Variants in STX11 observed in about 807,000 individuals in gnomAD.
STX11 encodes the protein syntaxin 11, also known as syntaxin-11.
STX11 carries 21 observed loss-of-function variants against 19.9 expected under a neutral mutation model. The observed-to-expected ratio is 1.06, with a 90% CI of 0.75 to 1.52. The LOEUF (loss-of-function observed/expected upper bound fraction) is 1.52, where lower values mean the gene tolerates loss of function less well. Among genes scored for constraint, STX11 ranks in the 40% most tolerant of loss-of-function variants. The pLI, the probability that STX11 is intolerant of heterozygous loss-of-function variation, is 0.00. For synonymous variants in STX11, 193 were observed against 174.4 expected, an observed-to-expected ratio of 1.11 and a Z score of -0.84; for missense variants, 438 against 405.9, an observed-to-expected ratio of 1.08 and a Z score of -0.68.
upstream of STX11, among the ~76,000 whole-genome samples, chr6:144,147,317 T>G (rs1332770785): frequency 6.6e-6 from 1 of 152,222 alleles, no homozygotes; most frequent in African/African-American, 2.4e-5. This position sits in a 1 kb window ranked among gnomAD's most constrained non-coding sequence, Gnocchi z 4.2. Context: ...CTGACCTCCA[T>G]GTGGCCAAGC....
intron 1 of STX11, among the ~76,000 whole-genome samples, chr6:144,185,352 G>C (rs948779873): frequency 6.6e-6 from 1 of 152,132 alleles, no homozygotes; most frequent in Non-Finnish European, 1.5e-5. Flanking sequence ...ACCATTAAGT[G>C]TTACTACTTT....
chr6:144,183,734 A>G lies in STX11; in HGVS notation c.-5-2889A>G, dbSNP rs1289980426. Among the ~76,000 whole-genome samples, 2 of 152,184 alleles carry G rather than the reference A, an allele frequency of 1.3e-5. No homozygotes were observed. The highest frequency in any genetic ancestry group is 2.9e-5 in the Non-Finnish European group (2 of 68,034). On this transcript the variant is annotated intron_variant, in intron 1 of 1. Coordinates refer to ENST00000367568, the MANE Select transcript of STX11 (RefSeq NM_003764.4). The surrounding 1 kb of genome is among the most constrained non-coding windows in gnomAD (Gnocchi z 4.6). ...TGATTTTATTATTTTATCTTATTTT[A>G]TGTTTTTAAGTTCCGGGGTACACGT... is the stretch of plus-strand genomic sequence containing the variant.
At position 144,150,721 on chromosome 6, in the gene STX11, T is replaced by A; in HGVS notation, c.-6+18T>A. The A allele has an allele frequency of 1.0e-6, 1 of 974,242 alleles. No homozygotes were observed. The highest frequency in any genetic ancestry group is 1.2e-6 in the Non-Finnish European group (1 of 827,744). 60.3% of individuals were successfully genotyped at this position (974,242 alleles called of 1,614,324 possible). On this transcript the variant is annotated intron_variant, in intron 1 of 1. Coordinates refer to ENST00000367568, the MANE Select transcript of STX11 (RefSeq NM_003764.4). ...CAGTCCAGGTTTGTTTTTCTCTTCC[T>A]GAGCCCCCATTTCTCTTCCTGACTA...
In STX11 at chr6:144,177,866, A is replaced by G. The variant is rs1801814031; in HGVS notation, c.-5-8757A>G. On this transcript the variant is annotated intron_variant, in intron 1 of 1. Coordinates refer to ENST00000367568, the MANE Select transcript of STX11 (RefSeq NM_003764.4). The surrounding 1 kb of genome is among the most constrained non-coding windows in gnomAD (Gnocchi z 4.4). ...ATTCTGTTATTTCAGAGAGTTAATA[A>G]TTTTATGGATTTTTTTTAAAGTTGT... Among the ~76,000 whole-genome samples, 1 of 152,144 alleles carries G rather than the reference A, an allele frequency of 6.6e-6. No homozygotes were observed.
At position 144,165,811 on chromosome 6, in the gene STX11, A is replaced by G. The variant is rs1584030594; in HGVS notation, c.-6+15108A>G. 6.6e-6 allele frequency among the ~76,000 whole-genome samples: 1 copy of G among 152,244 alleles called. No homozygotes were observed. Among genetic ancestry groups the G allele is most frequent in the Non-Finnish European group, 1.5e-5 (1 of 68,042 alleles). On this transcript the variant is annotated intron_variant, in intron 1 of 1. Coordinates refer to ENST00000367568, the MANE Select transcript of STX11 (RefSeq NM_003764.4). This position sits in a 1 kb window ranked among gnomAD's most constrained non-coding sequence, Gnocchi z 5.8. ...GTTTGTAAAATACTTTAAAGTTAAC[A>G]AAGTGCTCTCATGTACATAACTTAC...
In STX11 at chr6:144,170,550, C is replaced by G. The variant is rs150874019; in HGVS notation, c.-5-16073C>G. On this transcript the variant is annotated intron_variant, in intron 1 of 1. Transcript: ENST00000367568. This position sits in a 1 kb window ranked among gnomAD's most constrained non-coding sequence, Gnocchi z 4.7. The stretch of plus-strand genomic sequence containing the variant: ...GCTCAAAAAGTTTTAGATTTTGGAG[C>G]ATTTCAGATTTCAGATTTTCAGATT... Among the ~76,000 whole-genome samples the G allele has an allele frequency of 2.0e-4, 31 of 152,138 alleles. No homozygotes were observed. In the East Asian group the frequency reaches 5.6e-3, roughly 27 times the overall value.
At chr6:144,143,159 A>T in the STX11 span, among the ~76,000 whole-genome samples, 1 of 152,206 alleles carries the variant, frequency 6.6e-6, no homozygotes, top group Admixed American at 6.5e-5. Context: ...ATATATTTCT[A>T]GTCTGCGTGT....
At chr6:144,147,894 A>C (rs147400114), upstream of STX11, among the ~76,000 whole-genome samples, 631 of 152,268 alleles carry the variant, frequency 4.1e-3, 7 homozygotes, top group Middle Eastern at 0.034. This position sits in a 1 kb window ranked among gnomAD's most constrained non-coding sequence, Gnocchi z 4.2. Flanking sequence ...CAACAGAGTG[A>C]GCTGCTGTCT....
rs1396989989 is a variant in STX11 at position 144,172,723 on chromosome 6, C to A, written c.-5-13900C>A. Reference sequence around the variant, plus strand: ...TAGCCTCGAAGTCTAGAGACTTATGCCTGATCTGCATGAGATCTAGATACA... The same window carrying A: ...TAGCCTCGAAGTCTAGAGACTTATGACTGATCTGCATGAGATCTAGATACA... On this transcript the variant is annotated intron_variant, in intron 1 of 1. Coordinates refer to ENST00000367568, the MANE Select transcript of STX11 (RefSeq NM_003764.4). The surrounding 1 kb of genome is among the most constrained non-coding windows in gnomAD (Gnocchi z 4.2). Among the ~76,000 whole-genome samples, 1 of 152,134 alleles carries A rather than the reference C, an allele frequency of 6.6e-6. No homozygotes were observed. The highest frequency in any genetic ancestry group is 1.5e-5 in the Non-Finnish European group (1 of 68,014).
chr6:144,184,933 A>G lies in STX11; in HGVS notation c.-5-1690A>G, dbSNP rs957784185. On this transcript the variant is annotated intron_variant, in intron 1 of 1. Transcript: ENST00000367568. The surrounding 1 kb of genome is among the most constrained non-coding windows in gnomAD (Gnocchi z 6.5). ...TCCCCAGTTGGTGGTTTGTCTTTCA[A>G]TTTTGTTCAAAGTGAGGAAACAGTT... Among the ~76,000 whole-genome samples the G allele has an allele frequency of 5.9e-5, 9 of 151,984 alleles. No homozygotes were observed. The highest frequency in any genetic ancestry group is 3.8e-4 in the East Asian group (2 of 5,200).
At chr6:144,181,724 C>T (rs781002445) in intron 1 of STX11, among the ~76,000 whole-genome samples, 6 of 152,006 alleles carry the variant, frequency 3.9e-5, no homozygotes, top group Admixed American at 2.0e-4. Flanking sequence ...GGTGCCCAGG[C>T]ATCTGTAATC....
intron 1 of STX11, among the ~76,000 whole-genome samples, chr6:144,168,059 C>G (rs1176020314): frequency 6.6e-6 from 1 of 152,232 alleles, no homozygotes; most frequent in African/African-American, 2.4e-5. Flanking sequence ...CCACTGTTAA[C>G]AGCAACAACA....
At chr6:144,150,759 G>GCA in intron 1 of STX11, 56 bp downstream of exon 1, 4 of 946,622 alleles carry the variant, frequency 4.2e-6, no homozygotes, top group Non-Finnish European at 5.0e-6. Context: ...TTCCCCGTGC[G>GCA]CGGAGAGATC....
At chr6:144,150,082 C>G (rs1365015317), upstream of STX11, among the ~76,000 whole-genome samples, 2 of 149,816 alleles carry the variant, frequency 1.3e-5, no homozygotes, top group Non-Finnish European at 2.9e-5. Context: ...CGCCCGCGTC[C>G]TCGAGGGTCC....
chr6:144,158,468 A>T (rs994614180), intron 1 of STX11, among the ~76,000 whole-genome samples: 2 of 152,236 alleles, frequency 1.3e-5, no homozygotes. Flanking sequence ...GTGAACTTAG[A>T]GGAATCAGTA....
Position 144,186,325 on chromosome 6 carries a change from T to TATAA in STX11, c.-5-276_-5-273dup, listed in dbSNP as rs10553202. 3.3e-3 allele frequency among the ~76,000 whole-genome samples: 493 copies of TATAA among 148,352 alleles called. 3 individuals are homozygous for TATAA. Among genetic ancestry groups the TATAA allele is most frequent in the East Asian group, 0.02 (102 of 5,086 alleles). The stretch of plus-strand genomic sequence containing the variant: ...AGAACTTAAAGTATAATAAAATATA[T>TATAA]ATAAATAAATAAATAAATAAATAAA... On this transcript the variant is annotated intron_variant, in intron 1 of 1. Coordinates refer to ENST00000367568, the MANE Select transcript of STX11 (RefSeq NM_003764.4).
At chr6:144,168,705 G>A (rs1801548748) in intron 1 of STX11, among the ~76,000 whole-genome samples, 2 of 152,186 alleles carry the variant, frequency 1.3e-5, no homozygotes, top group African/African-American at 4.8e-5. Flanking sequence ...TTAGTCATGT[G>A]TTCTAAACAT....
chr6:144,171,649 T>C (rs1242056228), intron 1 of STX11, among the ~76,000 whole-genome samples: 3 of 152,214 alleles, frequency 2.0e-5, no homozygotes, highest in Non-Finnish European at 4.4e-5. Flanking sequence ...GCACACTGTA[T>C]TATCGAACAG....
rs1159549216 is a variant in STX11, at chr6:144,187,229, G to C, written c.602G>C (p.Arg201Pro). 6.2e-7 allele frequency: 1 copy of C among 1,613,888 alleles called. No homozygotes were observed. The highest frequency in any genetic ancestry group is 8.5e-7 in the Non-Finnish European group (1 of 1,179,990). ...TTGCTGGCCGACGTGAAGGGCGCGCGGGCCGCCCTCAACGAGATCGAGAGC... is the reference window on the plus strand; with the variant it reads ...TTGCTGGCCGACGTGAAGGGCGCGCCGGCCGCCCTCAACGAGATCGAGAGC... The part of the protein sequence containing the change: ...ENLLADVKGA[R>P]AALNEIESRH... The change falls in exon 2 of 2, where the codon CGG becomes CCG. Residue 201 changes from arginine to proline, a missense_variant. Physicochemically the swap from Arg to Pro is moderately radical, Grantham distance 103. Coordinates refer to ENST00000367568, the MANE Select transcript of STX11 (RefSeq NM_003764.4). The surrounding 1 kb of genome is among the most constrained non-coding windows in gnomAD (Gnocchi z 5.6).
Sources: allele counts gnomAD v4.1 joint callset (sites outside exome capture counted in the v4.1 genomes callset), GRCh38; gene constraint gnomAD v4.1.1; non-coding constraint Gnocchi (gnomAD v3.1); transcripts MANE v1.5; gene names NCBI Gene and HGNC (gene_info 2026-07-23, HGNC 2026-07-21).